PIGG: variants seen among roughly 807,000 people sequenced by gnomAD.
The protein encoded by PIGG is phosphatidylinositol glycan anchor biosynthesis class G (EMM blood group).
Under a neutral mutation model 83.2 loss-of-function variants are expected in PIGG, and 70 were observed. The ratio of observed to expected loss-of-function variants is 0.84; its 90% CI spans 0.69 to 1.03. PIGG has a LOEUF of 1.03. PIGG is among the 50% of genes least tolerant of loss of function. PIGG has a pLI of 0.00. For synonymous variants in PIGG, 532 were observed against 519.5 expected, an observed-to-expected ratio of 1.02 and a Z score of -0.33; for missense variants, 1,257 against 1,233.6, an observed-to-expected ratio of 1.02 and a Z score of -0.28.
intron 6 of PIGG, among the ~76,000 whole-genome samples, chr4:516,595 C>T (rs1030526539): frequency 2.0e-5 from 3 of 152,064 alleles, no homozygotes; most frequent in Non-Finnish European, 2.9e-5. Flanking sequence ...CGGTGGCTCA[C>T]GCCTGTAATC....
At chr4:526,089 A>G (rs1727519768) in intron 9 of PIGG, among the ~76,000 whole-genome samples, 1 of 152,244 alleles carries the variant, frequency 6.6e-6, no homozygotes. Context: ...GAGGTCAACC[A>G]TAGTCTGAAA....
chr4:509,378 G>C (rs753559910), intron 5 of PIGG, among the ~76,000 whole-genome samples: 1 of 152,184 alleles, frequency 6.6e-6, no homozygotes, highest in Non-Finnish European at 1.5e-5. Flanking sequence ...GAGCAGGACA[G>C]ACAGAGGCCC....
chr4:508,362 AG>A (rs1720593248), intron 4 of PIGG, among the ~76,000 whole-genome samples: 1 of 152,236 alleles, frequency 6.6e-6, no homozygotes, highest in African/African-American at 2.4e-5. Flanking sequence ...CTTGTCCCGG[AG>A]CAGCAAAGGA....
In PIGG at chr4:521,678, C is replaced by G; in HGVS notation, c.1351C>G (p.Leu451Val). The G allele has an allele frequency of 6.2e-7, 1 of 1,614,116 alleles. No homozygotes were observed. Among genetic ancestry groups the G allele is most frequent in the South Asian group, 1.1e-5 (1 of 91,086 alleles). ...GTTCCAGGTTCTCACCCTGCTCCTGCTCAGCGTCCCACAGGCACTGCGCAG... is the reference window on the plus strand; with the variant it reads ...GTTCCAGGTTCTCACCCTGCTCCTGGTCAGCGTCCCACAGGCACTGCGCAG... ...VVLEVLTLLL[L>V]SVPQALRRKA... Residue 451 changes from leucine to valine, a missense_variant, in exon 8 of 13, where the codon CTC becomes GTC. By Grantham distance (32) the Leu-to-Val change is conservative. Coordinates refer to ENST00000453061, the MANE Select transcript of PIGG (RefSeq NM_001127178.3).
At chr4:512,326 T>C (rs560073589) in intron 5 of PIGG, among the ~76,000 whole-genome samples, 1 of 151,096 alleles carries the variant, frequency 6.6e-6, no homozygotes, top group South Asian at 2.1e-4. Flanking sequence ...TTCAAGCTAT[T>C]CTCCTGCCTC....
intron 5 of PIGG, among the ~76,000 whole-genome samples, chr4:511,910 T>C (rs1722088132): frequency 6.6e-6 from 1 of 152,234 alleles, no homozygotes; most frequent in Non-Finnish European, 1.5e-5. Context: ...TTGAATGTGC[T>C]GTCTCACCGC....
In PIGG at chr4:539,639, G is replaced by A; in HGVS notation, c.*270G>A. The A allele has an allele frequency of 2.8e-6, 1 of 351,428 alleles. No homozygotes were observed. Among genetic ancestry groups the A allele is most frequent in the Non-Finnish European group, 5.2e-6 (1 of 192,004 alleles). 21.8% of individuals were successfully genotyped at this position (351,428 alleles called of 1,614,324 possible). On this transcript the variant is annotated 3_prime_UTR_variant, in exon 13 of 13. Coordinates refer to ENST00000453061, the MANE Select transcript of PIGG (RefSeq NM_001127178.3). ...CCCAAATATGTGTGTTTAAATCAAT[G>A]AATGAAAAGGTTCTGGACTTTGTTA...
At chr4:503,395 C>T (rs1718448427) in intron 2 of PIGG, among the ~76,000 whole-genome samples, 1 of 152,204 alleles carries the variant, frequency 6.6e-6, no homozygotes, top group African/African-American at 2.4e-5. Flanking sequence ...CAAGGCTCTG[C>T]GTGGCCTCAC....
intron 7 of PIGG, 129 bp downstream of exon 7, chr4:521,402 C>T (rs1036510345): frequency 9.7e-6 from 7 of 721,398 alleles, no homozygotes; most frequent in Non-Finnish European, 1.6e-5. Flanking sequence ...TTGTTTAACT[C>T]TTTCGTGGTG....
chr4:507,718 G>T, intron 4 of PIGG, 125 bp downstream of exon 4: 1 of 808,904 alleles, frequency 1.2e-6, no homozygotes, highest in Non-Finnish European at 2.0e-6. Flanking sequence ...TGCTAGCCAG[G>T]GGCCGCATGC....
intron 5 of PIGG, among the ~76,000 whole-genome samples, chr4:509,659 G>C (rs114525375): frequency 6.6e-6 from 1 of 152,208 alleles, no homozygotes; most frequent in East Asian, 1.9e-4. Flanking sequence ...TGCTGGTCCC[G>C]TAGCTTCTGG....
rs182423235 is a variant in PIGG, at chr4:509,605, G to A, written c.901+635G>A. Reference sequence around the variant, plus strand: ...ATTTCTGCCGTCAGGCACAGCAGACGCTTTCGGGCGCTGCTCTCACTGACC... The same window carrying A: ...ATTTCTGCCGTCAGGCACAGCAGACACTTTCGGGCGCTGCTCTCACTGACC... On this transcript the variant is annotated intron_variant, in intron 5 of 12. Coordinates refer to ENST00000453061, the MANE Select transcript of PIGG (RefSeq NM_001127178.3). 3.2e-3 allele frequency among the ~76,000 whole-genome samples: 486 copies of A among 152,346 alleles called. 3 individuals are homozygous for A. Among genetic ancestry groups the A allele is most frequent in the African/African-American group, 0.011 (445 of 41,582 alleles).
intron 11 of PIGG, 136 bp from the exon 12 acceptor site, chr4:533,682 C>A: frequency 1.3e-6 from 1 of 775,538 alleles, no homozygotes; most frequent in African/African-American, 1.7e-5. Context: ...CCACCTCTGA[C>A]CACACGTGTG....
At chr4:499,584 C>T (rs1212940166) in intron 1 of PIGG, 95 bp downstream of exon 1, 2 of 1,451,698 alleles carry the variant, frequency 1.4e-6, no homozygotes, top group African/African-American at 1.4e-5. Flanking sequence ...CTTCTCGGCG[C>T]TCCCCGGTGG....
intron 4 of PIGG, 57 bp from the exon 5 acceptor site, chr4:508,772 G>A: frequency 2.0e-6 from 3 of 1,528,246 alleles, no homozygotes; most frequent in South Asian, 2.3e-5. Flanking sequence ...GTCTTCTTAA[G>A]ATGATGTGCT....
chr4:517,225 TAGG>T lies in PIGG; in HGVS notation c.1114+1046_1114+1048del, dbSNP rs530842758. Reference sequence around the variant, plus strand: ...TCGTGGAGGATTCTGCTTTGTGCTGTAGGAGGAGACCAGTCAGGAGGCAGTGGC... The same window carrying T: ...TCGTGGAGGATTCTGCTTTGTGCTGTAGGAGACCAGTCAGGAGGCAGTGGC... On this transcript the variant is annotated intron_variant, in intron 6 of 12. Transcript: ENST00000453061. 2.7e-4 allele frequency among the ~76,000 whole-genome samples: 41 copies of T among 152,118 alleles called. 1 individual carries two copies. The South Asian group carries it at 6.0e-3, about 22-fold the overall frequency.
In PIGG at chr4:500,531, T is replaced by C. The variant is rs1212831037; in HGVS notation, c.290T>C (p.Val97Ala). The C allele has an allele frequency of 6.2e-7, 1 of 1,613,614 alleles. No homozygotes were observed. Among genetic ancestry groups the C allele is most frequent in the African/African-American group, 1.3e-5 (1 of 74,910 alleles). ...TTTATGCCCTACACAACTTACCTTG[T>C]GGAAAAAGGAGCATCTCACAGTTTT... ...VKFMPYTTYL[V>A]EKGASHSFVA... The change falls in exon 2 of 13, where the codon GTG (valine) becomes GCG (alanine). Residue 97 changes from valine to alanine, a missense_variant. By Grantham distance (64) the Val-to-Ala change is moderately conservative. Coordinates refer to ENST00000453061, the MANE Select transcript of PIGG (RefSeq NM_001127178.3).
chr4:522,253 G>A (rs767268623), intron 8 of PIGG: 6 of 574,758 alleles, frequency 1.0e-5, no homozygotes, highest in African/African-American at 5.6e-5. Context: ...AAGCCCCCCC[G>A]CTGAGGGGGT....
At chr4:517,652 GGA>G (rs534874986) in intron 6 of PIGG, among the ~76,000 whole-genome samples, 45 of 152,228 alleles carry the variant, frequency 3.0e-4, no homozygotes, top group African/African-American at 1.0e-3. Flanking sequence ...TTCGTCAGAT[GGA>G]GAGTGGGGGA....
Sources: gnomAD v4.1 joint callset for allele counts (sites outside exome capture counted in the v4.1 genomes callset) on GRCh38, gnomAD v4.1.1 for gene constraint, MANE v1.5 for transcripts, NCBI Gene and HGNC (gene_info 2026-07-23, HGNC 2026-07-21) for gene names.